Variants in GALNT13 observed in about 807,000 individuals in gnomAD.
GALNT13 encodes the protein polypeptide N-acetylgalactosaminyltransferase 13.
A neutral mutation model predicts 64.2 loss-of-function variants in GALNT13; 28 were observed. The observed-to-expected ratio is 0.44, with a 90% confidence interval of 0.32 to 0.60. The LOEUF (loss-of-function observed/expected upper bound fraction) is 0.60. GALNT13 is among the 20% of genes least tolerant of loss of function. GALNT13 has a pLI of 0.05. For synonymous variants in GALNT13, 214 were observed against 224.6 expected (o/e 0.95, Z 0.42); for missense variants, 577 against 669.8 (o/e 0.86, Z 1.53).
intron 3 of GALNT13, among the ~76,000 whole-genome samples, chr2:154,107,666 T>C (rs1702698016): frequency 7.2e-6 from 1 of 138,548 alleles, no homozygotes. Flanking sequence ...TAATTAACCA[T>C]ATTTATCATG....
chr2:153,926,260 T>G (rs1690130498), intron 2 of GALNT13: 1 of 152,064 alleles, frequency 6.6e-6, no homozygotes, highest in Non-Finnish European at 1.5e-5. Context: ...GAATATACAA[T>G]TTATTGGTGT....
rs118061052 is a variant in GALNT13 at position 154,422,209 on chromosome 2, A to G, written c.1395+13127A>G. 2.6e-5 allele frequency among the ~76,000 whole-genome samples: 4 copies of G among 152,306 alleles called. No homozygotes were observed. The East Asian group carries it at 7.7e-4, about 29-fold the overall frequency. ...GCTTTCAGACTACAAAGGTTGTCAAAGGATCGTGTGTAATAAGCATCATGA... is the reference window on the plus strand; with the variant it reads ...GCTTTCAGACTACAAAGGTTGTCAAGGGATCGTGTGTAATAAGCATCATGA... On this transcript the variant is annotated intron_variant, in intron 11 of 12. Transcript: ENST00000392825.
At chr2:154,372,772 TC>T (rs1309587808) in intron 9 of GALNT13, among the ~76,000 whole-genome samples, 1 of 151,880 alleles carries the variant, frequency 6.6e-6, no homozygotes, top group Non-Finnish European at 1.5e-5. Context: ...TTTTTATTCT[TC>T]CCTTTCAGCA....
At chr2:153,416,734 G>A in the GALNT13 span, among the ~76,000 whole-genome samples, 5 of 152,128 alleles carry the variant, frequency 3.3e-5, no homozygotes, top group Admixed American at 6.5e-5. Context: ...TACATACTAT[G>A]TGCCAGATAC....
chr2:154,234,338 T>G (rs902843175), intron 4 of GALNT13, among the ~76,000 whole-genome samples: 7 of 152,130 alleles, frequency 4.6e-5, no homozygotes, highest in Non-Finnish European at 8.8e-5. Flanking sequence ...CCATTATAAT[T>G]TCATATGTTC....
chr2:153,783,022 G>C, the GALNT13 span, among the ~76,000 whole-genome samples: 1 of 152,164 alleles, frequency 6.6e-6, no homozygotes, highest in African/African-American at 2.4e-5. Flanking sequence ...GGTAGGCCCA[G>C]AATGGGAATC....
At chr2:153,998,735 ATTGCCT>A (rs1695691173) in intron 3 of GALNT13, among the ~76,000 whole-genome samples, 1 of 151,980 alleles carries the variant, frequency 6.6e-6, no homozygotes, top group Non-Finnish European at 1.5e-5. Flanking sequence ...CCTGAATGGT[ATTGCCT>A]AGGGTTTCTT....
chr2:154,424,475 G>C (rs1700387204), intron 11 of GALNT13, among the ~76,000 whole-genome samples: 2 of 152,092 alleles, frequency 1.3e-5, no homozygotes, highest in Non-Finnish European at 1.5e-5. Context: ...CCAAAATGTT[G>C]TTTCTCCCCT....
At chr2:154,024,497 G>A (rs559666251) in intron 3 of GALNT13, among the ~76,000 whole-genome samples, 36 of 152,084 alleles carry the variant, frequency 2.4e-4, no homozygotes, top group South Asian at 2.3e-3. Flanking sequence ...CTCCTGAGGC[G>A]TCTGCATTCG....
At chr2:153,489,307 A>G in the GALNT13 span, among the ~76,000 whole-genome samples, 1 of 152,208 alleles carries the variant, frequency 6.6e-6, no homozygotes, top group Admixed American at 6.5e-5. Flanking sequence ...GGCACATGTA[A>G]GCATGCTTTC....
At chr2:153,244,689 G>C in the GALNT13 span, among the ~76,000 whole-genome samples, 1 of 152,196 alleles carries the variant, frequency 6.6e-6, no homozygotes, top group Non-Finnish European at 1.5e-5. Flanking sequence ...TTTGCAGCTA[G>C]CTTGGTGCCT....
At chr2:153,205,990 C>A in the GALNT13 span, among the ~76,000 whole-genome samples, 1 of 151,606 alleles carries the variant, frequency 6.6e-6, no homozygotes, top group Non-Finnish European at 1.5e-5. Flanking sequence ...CTCAATAAGT[C>A]CTGAATAATT....
At chr2:153,858,690 T>C in the GALNT13 span, among the ~76,000 whole-genome samples, 1 of 152,178 alleles carries the variant, frequency 6.6e-6, no homozygotes, top group African/African-American at 2.4e-5. Context: ...GGTATGCCTG[T>C]ATAGAAAAAA....
intron 4 of GALNT13, among the ~76,000 whole-genome samples, chr2:154,224,355 T>C (rs1034362895): frequency 1.3e-5 from 2 of 152,076 alleles, no homozygotes; most frequent in Non-Finnish European, 2.9e-5. Context: ...AATCAAACTC[T>C]AGTTAATAAA....
chr2:154,215,146 G>A (rs528618960), intron 4 of GALNT13, among the ~76,000 whole-genome samples: 1 of 152,270 alleles, frequency 6.6e-6, no homozygotes, highest in African/African-American at 2.4e-5. Context: ...TTGCACACAT[G>A]GATCCAGCTG....
chr2:154,095,076 C>G (rs1159736600), intron 3 of GALNT13, among the ~76,000 whole-genome samples: 1 of 151,750 alleles, frequency 6.6e-6, no homozygotes, highest in Non-Finnish European at 1.5e-5. Context: ...ATCAGCTCTG[C>G]TTGATACATA....
the GALNT13 span, among the ~76,000 whole-genome samples, chr2:153,427,643 T>A: frequency 6.6e-6 from 1 of 152,164 alleles, no homozygotes; most frequent in South Asian, 2.1e-4. Flanking sequence ...TTAAACATTT[T>A]TTAAAAGACT....
the GALNT13 span, among the ~76,000 whole-genome samples, chr2:153,145,396 C>T: frequency 6.6e-6 from 1 of 151,894 alleles, no homozygotes. Flanking sequence ...ACATTTTAAT[C>T]ACATTAACAA....
At chr2:153,719,484 C>T in the GALNT13 span, among the ~76,000 whole-genome samples, 16,859 of 152,112 alleles carry the variant, frequency 0.11, 1,421 homozygotes, top group African/African-American at 0.24. Flanking sequence ...GGAACAGCTC[C>T]GGTCTACAGC....
Sources: gnomAD v4.1 joint callset for allele counts (sites outside exome capture counted in the v4.1 genomes callset) on GRCh38, gnomAD v4.1.1 for gene constraint, MANE v1.5 for transcripts, NCBI Gene and HGNC (gene_info 2026-07-23, HGNC 2026-07-21) for gene names.